The following ASTN1 variants were observed in gnomAD, a reference collection of about 807,000 sequenced individuals.
ASTN1 encodes the protein astrotactin 1.
Under a neutral mutation model 140.7 loss-of-function variants are expected in ASTN1, and 41 were observed. That is an observed-to-expected ratio of 0.29 (90% confidence interval 0.23 to 0.38). The LOEUF is 0.38. Ranked by LOEUF, ASTN1 falls within the 10% of genes least tolerant of loss-of-function variation. ASTN1 has a pLI of 1.00. For synonymous variants in ASTN1, 640 were observed against 652.2 expected (o/e 0.98, Z 0.29); for missense variants, 1,479 against 1,678.8 (o/e 0.88, Z 2.08).
At chr1:176,940,289 A>T (rs1380288664) in intron 14 of ASTN1, among the ~76,000 whole-genome samples, 1 of 152,216 alleles carries the variant, frequency 6.6e-6, no homozygotes, top group Non-Finnish European at 1.5e-5. Flanking sequence ...ACTATCTGTA[A>T]GTCAGACTTA....
At chr1:176,916,181 A>G (rs1670471867) in intron 16 of ASTN1, among the ~76,000 whole-genome samples, 1 of 152,156 alleles carries the variant, frequency 6.6e-6, no homozygotes, top group Non-Finnish European at 1.5e-5. Context: ...GGCTGGGGCT[A>G]GGATTGAGGT....
At chr1:177,061,296 G>C (rs1678074575) in intron 1 of ASTN1, 31 bp from the exon 2 acceptor site, 1 of 1,457,472 alleles carries the variant, frequency 6.9e-7, no homozygotes, top group African/African-American at 1.4e-5. Context: ...GCACAGGTGA[G>C]AATTAGGATG....
chr1:177,044,400 A>T lies in ASTN1; in HGVS notation c.472-11551T>A, dbSNP rs972491487. On this transcript the variant is annotated intron_variant, in intron 2 of 22. Transcript: ENST00000361833. ...GTGATTGAGTGGGGTGCAGGTAAAGAGTCTGTTACTTAGGCCTGATTTCTT... is the reference window on the plus strand; with the variant it reads ...GTGATTGAGTGGGGTGCAGGTAAAGTGTCTGTTACTTAGGCCTGATTTCTT... Among the ~76,000 whole-genome samples the T allele has an allele frequency of 2.8e-4, 43 of 152,092 alleles. 1 individual carries two copies. The highest frequency in any genetic ancestry group is 9.6e-4 in the African/African-American group (40 of 41,522).
Position 176,884,489 on chromosome 1 carries a change from G to A in ASTN1, c.3076C>T (p.Leu1026=). ...GGCTCGTGAACCGTGGAGAGTCTCAGCCTGTGTGCAGACAGGAAGGAACAT... is the reference window on the plus strand; with the variant it reads ...GGCTCGTGAACCGTGGAGAGTCTCAACCTGTGTGCAGACAGGAAGGAACAT... ...PTCAPLPQPV[L]RLSTVHEPSS... Residue 1026 remains leucine (L), a splice_region_variant and synonymous_variant, in exon 19 of 23, where the codon CTG becomes TTG. Coordinates refer to ENST00000361833, the MANE Select transcript of ASTN1 (RefSeq NM_004319.3). The A allele has an allele frequency of 6.2e-7, 1 of 1,607,942 alleles. No homozygotes were observed. The highest frequency in any genetic ancestry group is 8.5e-7 in the Non-Finnish European group (1 of 1,175,098).
chr1:177,143,007 C>G (rs1291357075), intron 1 of ASTN1, among the ~76,000 whole-genome samples: 1 of 152,028 alleles, frequency 6.6e-6, no homozygotes, highest in African/African-American at 2.4e-5. Flanking sequence ...ATGTGGTCAG[C>G]AAATTTATTC....
chr1:177,083,225 T>C (rs998982356), intron 1 of ASTN1, among the ~76,000 whole-genome samples: 10 of 152,102 alleles, frequency 6.6e-5, no homozygotes, highest in Non-Finnish European at 1.3e-4. Context: ...TATATTTTCC[T>C]CATTATGTGA....
intron 1 of ASTN1, among the ~76,000 whole-genome samples, chr1:177,128,303 C>T (rs1681768621): frequency 6.6e-6 from 1 of 152,138 alleles, no homozygotes. Context: ...ATGCATCAGA[C>T]AGACTCTACG....
At chr1:176,956,538 T>A (rs1449277634) in intron 11 of ASTN1, among the ~76,000 whole-genome samples, 1 of 152,138 alleles carries the variant, frequency 6.6e-6, no homozygotes, top group Non-Finnish European at 1.5e-5. Flanking sequence ...GAAAGAGAGA[T>A]GGGGCACCAT....
intron 2 of ASTN1, among the ~76,000 whole-genome samples, chr1:177,041,500 C>T (rs555907972): frequency 6.6e-6 from 1 of 152,366 alleles, no homozygotes; most frequent in South Asian, 2.1e-4. Context: ...CCTCCATGGG[C>T]TGTGGGCACC....
chr1:176,879,794 C>T (rs1571448334), intron 20 of ASTN1, among the ~76,000 whole-genome samples: 1 of 152,214 alleles, frequency 6.6e-6, no homozygotes, highest in African/African-American at 2.4e-5. Context: ...AAAGGAGATA[C>T]TTCACTTAAC....
At chr1:176,889,633 G>T in intron 17 of ASTN1, among the ~76,000 whole-genome samples, 1 of 152,164 alleles carries the variant, frequency 6.6e-6, no homozygotes, top group South Asian at 2.1e-4. Flanking sequence ...GGTCCATCCT[G>T]CCCCCTCCCC....
At chr1:177,007,993 A>T (rs966691800) in intron 8 of ASTN1, among the ~76,000 whole-genome samples, 1 of 152,176 alleles carries the variant, frequency 6.6e-6, no homozygotes, top group South Asian at 2.1e-4. Flanking sequence ...CAGCTGACTG[A>T]CCACAAGGGT....
At chr1:177,135,290 T>C (rs1475950098) in intron 1 of ASTN1, among the ~76,000 whole-genome samples, 2 of 151,790 alleles carry the variant, frequency 1.3e-5, no homozygotes, top group African/African-American at 2.4e-5. Context: ...TATTTGATAC[T>C]AGATCCTAGT....
chr1:176,995,819 G>C (rs919618706), intron 8 of ASTN1, among the ~76,000 whole-genome samples: 1 of 152,182 alleles, frequency 6.6e-6, no homozygotes, highest in Non-Finnish European at 1.5e-5. Flanking sequence ...AGCCAGATGA[G>C]AAGACCATCA....
intron 16 of ASTN1, among the ~76,000 whole-genome samples, chr1:176,918,731 T>C (rs888632058): frequency 6.6e-6 from 1 of 152,148 alleles, no homozygotes; most frequent in African/African-American, 2.4e-5. Context: ...CTGAAGCCAT[T>C]TTCCATCCAG....
chr1:176,866,051 C>T (rs1668119840), intron 22 of ASTN1, among the ~76,000 whole-genome samples: 1 of 152,158 alleles, frequency 6.6e-6, no homozygotes, highest in Non-Finnish European at 1.5e-5. Context: ...CAAATCATAT[C>T]ACAATTCCTT....
intron 1 of ASTN1, among the ~76,000 whole-genome samples, chr1:177,103,044 C>G (rs1680375830): frequency 6.6e-6 from 1 of 152,180 alleles, no homozygotes; most frequent in Admixed American, 6.5e-5. Flanking sequence ...CAACACCTAC[C>G]TGCAACTGTG....
chr1:177,117,314 T>C (rs1405391196), intron 1 of ASTN1, among the ~76,000 whole-genome samples: 3 of 152,154 alleles, frequency 2.0e-5, no homozygotes, highest in Non-Finnish European at 4.4e-5. Flanking sequence ...CAGGTATTCT[T>C]TACAGCTACT....
chr1:176,986,284 C>T (rs1293212258), intron 8 of ASTN1, among the ~76,000 whole-genome samples: 1 of 152,144 alleles, frequency 6.6e-6, no homozygotes, highest in Non-Finnish European at 1.5e-5. Context: ...AATAAGAAAT[C>T]ACTACTTTAA....
Sources: allele counts gnomAD v4.1 joint callset (sites outside exome capture counted in the v4.1 genomes callset), GRCh38; gene constraint gnomAD v4.1.1; transcripts MANE v1.5; gene names NCBI Gene and HGNC (gene_info 2026-07-23, HGNC 2026-07-21).